The following PTGER3 variants were observed in gnomAD, a reference collection of about 807,000 sequenced individuals.
PTGER3 encodes prostaglandin E2 receptor EP3 subtype.
A neutral mutation model predicts 34.7 loss-of-function variants in PTGER3; 22 were observed. The observed-to-expected ratio is 0.63, with a 90% CI of 0.45 to 0.91. PTGER3 has a LOEUF of 0.91. Ranked by LOEUF, PTGER3 falls within the 40% of genes least tolerant of loss-of-function variation. The pLI, the probability that PTGER3 is intolerant of heterozygous loss-of-function variation, is 0.00. For missense variants in PTGER3, 468 were observed against 519.4 expected (o/e 0.90, Z 0.96); for synonymous variants, 241 against 230.1 (o/e 1.05, Z -0.43).
intron 4 of PTGER3, chr1:70,886,382 A>G (rs1646499967): frequency 7.1e-6 from 3 of 420,750 alleles, no homozygotes; most frequent in Non-Finnish European, 1.4e-5. Flanking sequence ...GTATCTTGTT[A>G]TAGCTTCCCA....
At chr1:70,856,914 C>T (rs956865645) in intron 4 of PTGER3, among the ~76,000 whole-genome samples, 2 of 152,192 alleles carry the variant, frequency 1.3e-5, no homozygotes, top group African/African-American at 4.8e-5. Flanking sequence ...AATTCTTCCA[C>T]CACCACAAAG....
intron 4 of PTGER3, among the ~76,000 whole-genome samples, chr1:70,942,810 T>C (rs767113062): frequency 3.9e-5 from 6 of 152,114 alleles, no homozygotes; most frequent in African/African-American, 1.4e-4. Context: ...AAGTTGAACA[T>C]GCAGAGAGAG....
chr1:70,948,464 C>A (rs373147698), downstream of PTGER3, among the ~76,000 whole-genome samples: 15 of 152,250 alleles, frequency 9.9e-5, no homozygotes, highest in African/African-American at 3.6e-4. Context: ...GTCAATTAAA[C>A]CTCTTTCCTT....
intron 2 of PTGER3, chr1:71,002,345 C>A (rs1656572542): frequency 6.6e-6 from 1 of 152,156 alleles, no homozygotes; most frequent in South Asian, 2.1e-4. Flanking sequence ...GATTCAGAGA[C>A]ATTTAATGGA....
intron 4 of PTGER3, among the ~76,000 whole-genome samples, chr1:70,879,688 T>C (rs1358129484): frequency 6.6e-6 from 1 of 152,230 alleles, no homozygotes; most frequent in Non-Finnish European, 1.5e-5. Flanking sequence ...GGTGTCATTG[T>C]CTGTGAGATG....
In PTGER3 at chr1:70,889,993, A is replaced by T. The variant is rs193073703; in HGVS notation, c.*24-37134T>A. On this transcript the variant is annotated intron_variant, in intron 4 of 4. Transcript: ENST00000370931. ...TCTGAGTGACTTATTTAACTGAAGT[A>T]CATTAAACATGCATAAACACTTCAT... is the stretch of plus-strand genomic sequence containing the variant. Among the ~76,000 whole-genome samples the T allele has an allele frequency of 7.2e-5, 11 of 152,292 alleles. No individual in the cohort carries two copies. The East Asian group carries it at 1.9e-3, about 27-fold the overall frequency.
chr1:71,010,772 T>C (rs1465117064), intron 2 of PTGER3: 13 of 985,086 alleles, frequency 1.3e-5, no homozygotes, highest in Non-Finnish European at 1.4e-5. Context: ...ACAGATTTTG[T>C]CTCCAAATTC....
At chr1:70,933,392 A>G (rs1648910176) in intron 4 of PTGER3, among the ~76,000 whole-genome samples, 1 of 152,168 alleles carries the variant, frequency 6.6e-6, no homozygotes, top group South Asian at 2.1e-4. Flanking sequence ...CATAAAAAAG[A>G]TCATACCTTC....
At chr1:71,000,253 A>T (rs1205953874) in intron 2 of PTGER3, among the ~76,000 whole-genome samples, 1 of 152,188 alleles carries the variant, frequency 6.6e-6, no homozygotes, top group African/African-American at 2.4e-5. Flanking sequence ...ATTTCTCATT[A>T]ACTGTTGTGT....
chr1:70,903,679 A>G (rs1056023959), intron 4 of PTGER3, among the ~76,000 whole-genome samples: 3 of 152,196 alleles, frequency 2.0e-5, no homozygotes, highest in East Asian at 3.9e-4. Flanking sequence ...ATGGCATCCA[A>G]GAGTCTTTTG....
intron 4 of PTGER3, among the ~76,000 whole-genome samples, chr1:70,941,688 T>A (rs1246734437): frequency 9.9e-5 from 15 of 152,138 alleles, no homozygotes; most frequent in Admixed American, 9.8e-4. Flanking sequence ...CTTCTTCCCC[T>A]CTCAAAAGAA....
In PTGER3 at chr1:70,971,470, T is replaced by C; in HGVS notation, c.*260A>G. On this transcript the variant is annotated 3_prime_UTR_variant, in exon 4 of 4. Transcript: ENST00000306666. ...CTTTTCATCACTTTTCCTCCAATCA[T>C]CATCTGTGAAATTCTTCCCAACTTC... 1.7e-6 allele frequency: 2 copies of C among 1,162,396 alleles called. No homozygotes were observed. The highest frequency in any genetic ancestry group is 1.1e-6 in the Non-Finnish European group (1 of 940,276). The allele number at this position is 1,162,396 out of a possible 1,614,324, so 72.0% of individuals were successfully genotyped here.
downstream of PTGER3, among the ~76,000 whole-genome samples, chr1:70,969,955 T>C (rs1416477911): frequency 6.6e-6 from 1 of 152,204 alleles, no homozygotes; most frequent in Non-Finnish European, 1.5e-5. Context: ...TATAGATTAA[T>C]TTATTGAGAT....
intron 2 of PTGER3, among the ~76,000 whole-genome samples, chr1:70,954,845 A>T (rs1354182001): frequency 6.6e-6 from 1 of 151,904 alleles, no homozygotes; most frequent in Non-Finnish European, 1.5e-5. Flanking sequence ...ATGACCGTTA[A>T]AAAAAAGAAA....
At chr1:70,967,174 A>G (rs953015604), downstream of PTGER3, among the ~76,000 whole-genome samples, 14 of 152,184 alleles carry the variant, frequency 9.2e-5, no homozygotes, top group African/African-American at 3.4e-4. Context: ...ATGGCATAAT[A>G]TCAAAAAAGA....
At chr1:70,943,636 C>T (rs1649951848) in intron 4 of PTGER3, among the ~76,000 whole-genome samples, 1 of 152,068 alleles carries the variant, frequency 6.6e-6, no homozygotes, top group African/African-American at 2.4e-5. Context: ...CTATGTCATA[C>T]TTGGTTGGAC....
At chr1:71,010,630 G>A (rs1217463734) in intron 2 of PTGER3, 30 of 984,404 alleles carry the variant, frequency 3.0e-5, no homozygotes, top group Admixed American at 6.2e-5. Context: ...AGGTAGTTTT[G>A]TCTTATACCC....
At position 71,029,387 on chromosome 1, in the gene PTGER3, C is replaced by T. The variant is rs575481504; in HGVS notation, c.898-16903G>A. ...AAAATCAGACAAATCTGGATTTGAC[C>T]CCAAGAAAGTTACTTTACATCTCAA... On this transcript the variant is annotated intron_variant, in intron 1 of 3. Coordinates refer to ENST00000306666, the MANE Select transcript of PTGER3 (RefSeq NM_198719.2). 4.6e-5 allele frequency among the ~76,000 whole-genome samples: 7 copies of T among 152,184 alleles called. No individual in the cohort carries two copies. In the South Asian group the frequency reaches 1.5e-3, roughly 32 times the overall value.
downstream of PTGER3, among the ~76,000 whole-genome samples, chr1:70,948,276 GT>G (rs2100571894): frequency 6.6e-6 from 1 of 152,146 alleles, no homozygotes; most frequent in Admixed American, 6.6e-5. Context: ...CTCCATGCTG[GT>G]CTTGTGATAG....
Sources: allele counts gnomAD v4.1 joint callset (sites outside exome capture counted in the v4.1 genomes callset), GRCh38; gene constraint gnomAD v4.1.1; transcripts MANE v1.5; gene names NCBI Gene and HGNC (gene_info 2026-07-23, HGNC 2026-07-21).